Variants in WDR70 observed in about 807,000 individuals in gnomAD.
The protein encoded by WDR70 is WD repeat-containing protein 70.
Under a neutral mutation model 88.6 loss-of-function variants are expected in WDR70, and 53 were observed. That is an observed-to-expected ratio of 0.60 (90% CI 0.48 to 0.75). The LOEUF is 0.75. Ranked by LOEUF, WDR70 falls within the 30% of genes least tolerant of loss-of-function variation. WDR70 has a pLI of 0.00. For missense variants in WDR70, 610 were observed against 823.2 expected (o/e 0.74, Z 3.17); for synonymous variants, 280 against 270.0 (o/e 1.04, Z -0.36).
intron 17 of WDR70, among the ~76,000 whole-genome samples, chr5:37,741,236 CTTT>C (rs5867363): frequency 0.72 from 99,839 of 138,428 alleles, 37,325 homozygotes; most frequent in East Asian, 0.89. Flanking sequence ...GAGCCTAGTT[CTTT>C]TTTTTTTTTT....
At chr5:37,655,608 C>T (rs925693159) in intron 10 of WDR70, among the ~76,000 whole-genome samples, 2 of 151,952 alleles carry the variant, frequency 1.3e-5, no homozygotes, top group African/African-American at 4.8e-5. Flanking sequence ...CATATAGTCC[C>T]ATATTTCTTG....
At chr5:37,379,662 T>C (rs1410358373) in intron 2 of WDR70, 108 bp downstream of exon 2, 10 of 1,183,304 alleles carry the variant, frequency 8.5e-6, no homozygotes, top group African/African-American at 1.5e-5. Flanking sequence ...GTAGCTCGGG[T>C]GCATACCTTG....
intron 10 of WDR70, among the ~76,000 whole-genome samples, chr5:37,650,721 T>A (rs1393575174): frequency 6.6e-6 from 1 of 152,162 alleles, no homozygotes; most frequent in Non-Finnish European, 1.5e-5. Context: ...ATTGAAGCCC[T>A]TTGCATTCTT....
chr5:37,406,399 T>C (rs748315163), intron 5 of WDR70, among the ~76,000 whole-genome samples: 1 of 152,182 alleles, frequency 6.6e-6, no homozygotes, highest in Non-Finnish European at 1.5e-5. Context: ...TGGACTAGTA[T>C]AGTAGAAAAA....
intron 5 of WDR70, among the ~76,000 whole-genome samples, chr5:37,424,632 ACTCCT>A: frequency 6.6e-6 from 1 of 151,828 alleles, no homozygotes; most frequent in Non-Finnish European, 1.5e-5. Context: ...CTGGACTTGG[ACTCCT>A]GGACTCGAGC....
chr5:37,542,851 C>A (rs532400352), intron 9 of WDR70, among the ~76,000 whole-genome samples: 11 of 152,266 alleles, frequency 7.2e-5, no homozygotes, highest in African/African-American at 2.6e-4. Context: ...GACCACAATT[C>A]TTCATCTTTG....
chr5:37,654,606 G>A (rs867709484), intron 10 of WDR70, among the ~76,000 whole-genome samples: 3 of 152,192 alleles, frequency 2.0e-5, no homozygotes, highest in Admixed American at 6.5e-5. Context: ...CTAAGAACTT[G>A]CTTTATGAAT....
intron 10 of WDR70, among the ~76,000 whole-genome samples, chr5:37,687,673 T>G (rs1299236793): frequency 6.6e-6 from 1 of 152,132 alleles, no homozygotes; most frequent in Non-Finnish European, 1.5e-5. Flanking sequence ...TCACCTGTAG[T>G]CAAAATCCCA....
Position 37,545,844 on chromosome 5 carries a change from A to G in WDR70, c.917+29254A>G, listed in dbSNP as rs1247616062. 2.6e-5 allele frequency among the ~76,000 whole-genome samples: 4 copies of G among 152,260 alleles called. No individual in the cohort carries two copies. The East Asian group carries it at 7.7e-4, about 29-fold the overall frequency. On this transcript the variant is annotated intron_variant, in intron 9 of 17. Transcript: ENST00000265107. ...CAGCCAAGGGTGCTTTTTAGTAATT[A>G]TCTGTTTAAGTAGTTACCAACACTT...
intron 9 of WDR70, among the ~76,000 whole-genome samples, chr5:37,577,613 C>T (rs1743096387): frequency 6.6e-6 from 1 of 151,994 alleles, no homozygotes. Context: ...ACGTGTGAGG[C>T]AAAATTATAT....
chr5:37,412,248 G>A lies in WDR70; in HGVS notation c.492+15678G>A, dbSNP rs185956493. Among the ~76,000 whole-genome samples the A allele has an allele frequency of 1.4e-3, 207 of 152,152 alleles. 1 individual carries two copies. Among genetic ancestry groups the A allele is most frequent in the Middle Eastern group, 3.4e-3 (1 of 294 alleles). ...CTAAAAATACAAAAATTATCTGGGC[G>A]TGGTGGAGCACGCCTGTAATCCCAG... is the stretch of plus-strand genomic sequence containing the variant. On this transcript the variant is annotated intron_variant, in intron 5 of 17. Transcript: ENST00000265107.
At chr5:37,619,966 A>G (rs1205908000) in intron 10 of WDR70, 3 of 150,402 alleles carry the variant, frequency 2.0e-5, no homozygotes, top group Admixed American at 2.0e-4. Context: ...GTAATAGCAA[A>G]ATGATACAAA....
chr5:37,518,591 T>C lies in WDR70; in HGVS notation c.917+2001T>C, dbSNP rs554595908. On this transcript the variant is annotated intron_variant, in intron 9 of 17. Coordinates refer to ENST00000265107, the MANE Select transcript of WDR70 (RefSeq NM_018034.4). ...TTGTATATATGTACCACATTTTCTT[T>C]ATCCATTTATCTGTTGATGGATGCT... Among the ~76,000 whole-genome samples, 12 of 152,346 alleles carry C rather than the reference T, an allele frequency of 7.9e-5. No individual in the cohort carries two copies. In the South Asian group the frequency reaches 2.5e-3, roughly 32 times the overall value.
At chr5:37,437,253 T>C (rs1750495638) in intron 5 of WDR70, among the ~76,000 whole-genome samples, 1 of 152,194 alleles carries the variant, frequency 6.6e-6, no homozygotes, top group Non-Finnish European at 1.5e-5. Context: ...GTTTCTTATT[T>C]TTACCATTTT....
At chr5:37,732,649 C>A (rs1748180712) in intron 17 of WDR70, among the ~76,000 whole-genome samples, 1 of 152,048 alleles carries the variant, frequency 6.6e-6, no homozygotes, top group African/African-American at 2.4e-5. Flanking sequence ...GCCCTTAAAA[C>A]CCTGTTTCTT....
intron 7 of WDR70, among the ~76,000 whole-genome samples, chr5:37,478,102 T>C (rs1213625112): frequency 6.6e-6 from 1 of 152,212 alleles, no homozygotes; most frequent in Non-Finnish European, 1.5e-5. Flanking sequence ...TAACCCAGTC[T>C]TTATATGCTG....
rs957077194 is a variant in WDR70 at position 37,659,067 on chromosome 5, A to G, written c.1093-38588A>G. On this transcript the variant is annotated intron_variant, in intron 10 of 17. Coordinates refer to ENST00000265107, the MANE Select transcript of WDR70 (RefSeq NM_018034.4). ...TAGGAGTAGTCTCAATAATCTGTAC[A>G]CAATTCATTCTATTGTTTTCCCTTC... Among the ~76,000 whole-genome samples the G allele has an allele frequency of 8.5e-5, 13 of 152,316 alleles. No homozygotes were observed. The East Asian group carries it at 1.9e-3, about 23-fold the overall frequency.
chr5:37,464,897 C>T (rs1190540696), intron 7 of WDR70, among the ~76,000 whole-genome samples: 1 of 152,116 alleles, frequency 6.6e-6, no homozygotes, highest in East Asian at 1.9e-4. Flanking sequence ...TCTCCTCTTA[C>T]AATGTCGATC....
chr5:37,487,603 AT>A, intron 8 of WDR70, among the ~76,000 whole-genome samples: 1 of 6,118 alleles, frequency 1.6e-4, no homozygotes, highest in East Asian at 0.071. Flanking sequence ...ATATATAAAT[AT>A]ATATATATAT....
Sources: gnomAD v4.1 joint callset for allele counts (sites outside exome capture counted in the v4.1 genomes callset) on GRCh38, gnomAD v4.1.1 for gene constraint, MANE v1.5 for transcripts, NCBI Gene and HGNC (gene_info 2026-07-23, HGNC 2026-07-21) for gene names.